TRHR: variants seen among roughly 807,000 people sequenced by gnomAD.
TRHR encodes the protein thyrotropin-releasing hormone receptor.
Under a neutral mutation model 28.0 loss-of-function variants are expected in TRHR, and 14 were observed. The observed-to-expected ratio is 0.50, with a 90% CI of 0.33 to 0.78. The LOEUF (loss-of-function observed/expected upper bound fraction) is 0.78, where lower values mean the gene tolerates loss of function less well. Ranked by LOEUF, TRHR falls within the 30% of genes least tolerant of loss-of-function variation. The probability of loss-of-function intolerance (pLI) is 0.02; values close to 1 mark genes in which losing one functional copy is unlikely to be tolerated. For synonymous variants in TRHR, 176 were observed against 171.9 expected, an observed-to-expected ratio of 1.02 and a Z score of -0.18; for missense variants, 438 against 469.5, an observed-to-expected ratio of 0.93 and a Z score of 0.62.
rs184585611 is a variant in TRHR at position 109,113,977 on chromosome 8, T to A, written c.790-5071T>A. 1.8e-4 allele frequency among the ~76,000 whole-genome samples: 27 copies of A among 152,164 alleles called. No homozygotes were observed. In the East Asian group the frequency reaches 5.2e-3, roughly 29 times the overall value. ...TAATCTTAATTTTAGCAATAAGAAA[T>A]CTGTCCAATTCACATTTATAAAAGA... On this transcript the variant is annotated intron_variant, in intron 2 of 2. Transcript: ENST00000518632.
chr8:109,099,015 T>C (rs534428037), intron 2 of TRHR, among the ~76,000 whole-genome samples: 2 of 152,284 alleles, frequency 1.3e-5, no homozygotes, highest in Admixed American at 6.5e-5. Flanking sequence ...AGGGACATAC[T>C]GATAAATTAC....
At chr8:109,086,937 A>G (rs1811442524) in intron 1 of TRHR, 54 bp downstream of exon 1, 1 of 158,130 alleles carries the variant, frequency 6.3e-6, no homozygotes, top group African/African-American at 2.4e-5. Flanking sequence ...GCATGGGGAA[A>G]TGTCATCTCA....
chr8:109,106,677 C>T (rs1811757218), intron 2 of TRHR, among the ~76,000 whole-genome samples: 1 of 151,902 alleles, frequency 6.6e-6, no homozygotes, highest in South Asian at 2.1e-4. Flanking sequence ...CTTTTATATA[C>T]CAGGAAAGAA....
Position 109,119,225 on chromosome 8 carries a change from A to G in TRHR, c.967A>G (p.Met323Val). 1 of 1,612,790 alleles carries G rather than the reference A, an allele frequency of 6.2e-7. No individual in the cohort carries two copies. The highest frequency in any genetic ancestry group is 8.5e-7 in the Non-Finnish European group (1 of 1,179,226). ...SAINPVIYNL[M>V]SQKFRAAFRK... The stretch of plus-strand genomic sequence containing the variant: ...CATCAACCCGGTGATTTACAATCTC[A>G]TGTCCCAGAAATTCCGTGCAGCCTT... The change falls in exon 3 of 3, where the codon ATG becomes GTG. Residue 323 changes from methionine (M) to valine (V), a missense_variant. By Grantham distance (21) the Met-to-Val change is conservative (BLOSUM62 1). Transcript: ENST00000518632.
At chr8:109,111,145 C>G (rs533571759) in intron 2 of TRHR, among the ~76,000 whole-genome samples, 32 of 152,066 alleles carry the variant, frequency 2.1e-4, no homozygotes, top group Admixed American at 7.2e-4. Flanking sequence ...GAGTAAAACT[C>G]CATCTCAAAA....
At position 109,120,304 on chromosome 8, in the gene TRHR, T is replaced by C. The variant is rs765310687; in HGVS notation, c.*849T>C. On this transcript the variant is annotated 3_prime_UTR_variant, in exon 3 of 3. Coordinates refer to ENST00000518632, the MANE Select transcript of TRHR (RefSeq NM_003301.7). ...AGTATTTATAATTAGATTTTGCTTC[T>C]TCTCTGACGCTTTTAAGCAATAAAA... is the stretch of plus-strand genomic sequence containing the variant. Among the ~76,000 whole-genome samples the C allele has an allele frequency of 1.3e-5, 2 of 151,914 alleles. No individual in the cohort carries two copies. The highest frequency in any genetic ancestry group is 2.9e-5 in the Non-Finnish European group (2 of 67,906).
At chr8:109,114,236 C>A (rs1347656267) in intron 2 of TRHR, among the ~76,000 whole-genome samples, 1 of 151,964 alleles carries the variant, frequency 6.6e-6, no homozygotes, top group Non-Finnish European at 1.5e-5. Context: ...AAGCCTAGAC[C>A]CTCATGTTCT....
chr8:109,099,398 G>A (rs1237837824), intron 2 of TRHR, among the ~76,000 whole-genome samples: 1 of 152,220 alleles, frequency 6.6e-6, no homozygotes, highest in Non-Finnish European at 1.5e-5. Context: ...GACATGGCTA[G>A]AGGGCCAAAG....
intron 2 of TRHR, among the ~76,000 whole-genome samples, chr8:109,103,849 C>T (rs1355836424): frequency 6.6e-6 from 1 of 152,146 alleles, no homozygotes; most frequent in East Asian, 1.9e-4. Context: ...CCATCATTAA[C>T]ATGTTTTAAA....
intron 2 of TRHR, among the ~76,000 whole-genome samples, chr8:109,089,796 A>G (rs1426664182): frequency 6.6e-6 from 1 of 152,200 alleles, no homozygotes; most frequent in African/African-American, 2.4e-5. Context: ...TGTACATCTC[A>G]ATTAGACACC....
intron 2 of TRHR, among the ~76,000 whole-genome samples, chr8:109,089,190 G>A (rs544418809): frequency 1.3e-5 from 2 of 151,936 alleles, no homozygotes; most frequent in South Asian, 4.2e-4. Flanking sequence ...GACAAACTTA[G>A]CTTGAAGTTT....
intron 2 of TRHR, among the ~76,000 whole-genome samples, chr8:109,117,795 A>G (rs945277616): frequency 2.6e-5 from 4 of 151,964 alleles, no homozygotes; most frequent in African/African-American, 9.7e-5. Flanking sequence ...CCCTTTGCTA[A>G]GTAGACCCTC....
In TRHR at chr8:109,119,333, G is replaced by A. The variant is rs748841430; in HGVS notation, c.1075G>A (p.Glu359Lys). 1.9e-6 allele frequency: 3 copies of A among 1,612,198 alleles called. No homozygotes were observed. The highest frequency in any genetic ancestry group is 4.5e-5 in the East Asian group (2 of 44,796). ...SVALNYSVIK[E>K]SDHFSTELDD... Reference sequence around the variant, plus strand: ...GGCCCTAAATTACAGCGTCATCAAGGAGTCAGACCATTTCAGCACAGAGCT... The same window carrying A: ...GGCCCTAAATTACAGCGTCATCAAGAAGTCAGACCATTTCAGCACAGAGCT... Residue 359 changes from glutamate (E) to lysine (K), a missense_variant, in exon 3 of 3, where the codon GAG (glutamate) becomes AAG (lysine). Coordinates refer to ENST00000518632, the MANE Select transcript of TRHR (RefSeq NM_003301.7).
intron 2 of TRHR, 32 bp from the exon 3 acceptor site, chr8:109,119,016 T>C (rs756312593): frequency 6.2e-7 from 1 of 1,612,088 alleles, no homozygotes; most frequent in Non-Finnish European, 8.5e-7. Context: ...TTCATTTGTG[T>C]TTGTACAGCA....
chr8:109,102,455 G>C (rs1811691827), intron 2 of TRHR, among the ~76,000 whole-genome samples: 1 of 152,076 alleles, frequency 6.6e-6, no homozygotes, highest in South Asian at 2.1e-4. Flanking sequence ...GCAGCACCTA[G>C]CACAGTATCT....
Position 109,121,370 on chromosome 8 carries a change from A to G in TRHR, c.*1915A>G, listed in dbSNP as rs1157587580. ...AATTGGTGAAAAAGGGGATTGGAATATACGAGATTTTTTCATTACAGAAAG... is the reference window on the plus strand; with the variant it reads ...AATTGGTGAAAAAGGGGATTGGAATGTACGAGATTTTTTCATTACAGAAAG... On this transcript the variant is annotated 3_prime_UTR_variant, in exon 3 of 3. Transcript: ENST00000518632. Among the ~76,000 whole-genome samples the G allele has an allele frequency of 1.3e-5, 2 of 151,728 alleles. No homozygotes were observed. The highest frequency in any genetic ancestry group is 4.8e-5 in the African/African-American group (2 of 41,376).
chr8:109,100,480 C>T (rs926888312), intron 2 of TRHR, among the ~76,000 whole-genome samples: 1 of 151,876 alleles, frequency 6.6e-6, no homozygotes, highest in East Asian at 1.9e-4. Context: ...TTATTACAAT[C>T]CCTTCCAGCA....
rs1811994002 is a variant in TRHR at position 109,120,604 on chromosome 8, A to G, written c.*1149A>G. Among the ~76,000 whole-genome samples, 1 of 151,662 alleles carries G rather than the reference A, an allele frequency of 6.6e-6. No homozygotes were observed. Among genetic ancestry groups the G allele is most frequent in the Admixed American group, 6.6e-5 (1 of 15,166 alleles). ...AATGCTAGTGATATTTTGTTTACAGATTCTAAAAGCAATGCAAAATTCTGT... is the reference window on the plus strand; with the variant it reads ...AATGCTAGTGATATTTTGTTTACAGGTTCTAAAAGCAATGCAAAATTCTGT... On this transcript the variant is annotated 3_prime_UTR_variant, in exon 3 of 3. Coordinates refer to ENST00000518632, the MANE Select transcript of TRHR (RefSeq NM_003301.7).
Position 109,121,481 on chromosome 8 carries a change from G to A in TRHR, c.*2026G>A, listed in dbSNP as rs1009055476. On this transcript the variant is annotated 3_prime_UTR_variant, in exon 3 of 3. Coordinates refer to ENST00000518632, the MANE Select transcript of TRHR (RefSeq NM_003301.7). ...TTATCTTCATCACAATTTCACTACA[G>A]CTGTAATTTCTCTGATGATTAGACC... Among the ~76,000 whole-genome samples, 62 of 151,780 alleles carry A rather than the reference G, an allele frequency of 4.1e-4. No individual in the cohort carries two copies. Among genetic ancestry groups the A allele is most frequent in the African/African-American group, 1.4e-3 (60 of 41,462 alleles).
Sources: allele counts gnomAD v4.1 joint callset (sites outside exome capture counted in the v4.1 genomes callset), GRCh38; gene constraint gnomAD v4.1.1; transcripts MANE v1.5; gene names NCBI Gene and HGNC (gene_info 2026-07-23, HGNC 2026-07-21).